The following ITGAM variants were observed in gnomAD, a reference collection of about 807,000 sequenced individuals.
The protein encoded by ITGAM is integrin subunit alpha M, also known as integrin alpha-M.
A neutral mutation model predicts 137.5 loss-of-function variants in ITGAM; 79 were observed. The ratio of observed to expected loss-of-function variants is 0.57; its 90% CI spans 0.48 to 0.69. The LOEUF is 0.69. Ranked by LOEUF, ITGAM falls within the 30% of genes least tolerant of loss-of-function variation. The pLI, the probability that ITGAM is intolerant of heterozygous loss-of-function variation, is 0.00. For synonymous variants in ITGAM, 583 were observed against 592.3 expected, an observed-to-expected ratio of 0.98 and a Z score of 0.23; for missense variants, 1,343 against 1,483.5, an observed-to-expected ratio of 0.91 and a Z score of 1.56.
intron 25 of ITGAM, 24 bp from the exon 26 acceptor site, chr16:31,330,057 T>G: frequency 6.2e-7 from 1 of 1,609,956 alleles, no homozygotes; most frequent in Non-Finnish European, 8.5e-7. Flanking sequence ...TCTCTGCCCC[T>G]TCTCAGTGCG....
rs41520244 is a variant in ITGAM at position 31,330,645 on chromosome 16, G to A, written c.3276+40G>A. On this transcript the variant is annotated intron_variant, in intron 28 of 29. Transcript: ENST00000544665. ...CGCTGAGGAACTATTGGAGGGAGAG[G>A]GGCTGCGCTTGTGGAGATTTCTGGG... 9.1e-3 allele frequency: 13,077 copies of A among 1,436,328 alleles called. 87 individuals carry two copies. The highest frequency in any genetic ancestry group is 0.023 in the Middle Eastern group (125 of 5,528). 89.0% of individuals were successfully genotyped at this position (1,436,328 alleles called of 1,614,324 possible). A position where few individuals can be genotyped will look rare whatever the true frequency, so the allele number is the denominator to read the frequency against.
chr16:31,324,352 G>C lies in ITGAM; in HGVS notation c.2003-47G>C. On this transcript the variant is annotated intron_variant, in intron 16 of 29. Transcript: ENST00000544665. This position sits in a 1 kb window ranked among gnomAD's most constrained non-coding sequence, Gnocchi z 4.5. ...TGGGCCTTGAACTCCCATCTGCCGG[G>C]TTCCGAGGCTCAGGCCCCTCACTGC... 5 of 1,523,686 alleles carry C rather than the reference G, an allele frequency of 3.3e-6. No homozygotes were observed. The highest frequency in any genetic ancestry group is 4.5e-6 in the Non-Finnish European group (5 of 1,122,776). 94.4% of individuals were successfully genotyped at this position (1,523,686 alleles called of 1,614,324 possible). A position where few individuals can be genotyped will look rare whatever the true frequency, so the allele number is the denominator to read the frequency against.
rs1211293259 is a variant in ITGAM, at chr16:31,260,111, G to A, written c.28+19G>A. ...TTAACAGGTGCATGGGGGTGGGGTG[G>A]GGGACTCTGGGTGGGGAGGAGGGTA... On this transcript the variant is annotated intron_variant, in intron 1 of 29. Coordinates refer to ENST00000544665, the MANE Select transcript of ITGAM (RefSeq NM_000632.4). The A allele has an allele frequency of 6.6e-7, 1 of 1,518,618 alleles. No individual in the cohort carries two copies. The highest frequency in any genetic ancestry group is 9.0e-7 in the Non-Finnish European group (1 of 1,112,916). 94.1% of individuals were successfully genotyped at this position (1,518,618 alleles called of 1,614,324 possible).
chr16:31,308,830 C>G (rs2144426188), intron 14 of ITGAM, among the ~76,000 whole-genome samples: 1 of 151,082 alleles, frequency 6.6e-6, no homozygotes, highest in Non-Finnish European at 1.5e-5. Context: ...TGAATGTGTC[C>G]CAGAGATTTT....
At chr16:31,265,660 C>A in intron 3 of ITGAM, 151 bp from the exon 4 acceptor site, 2 of 773,620 alleles carry the variant, frequency 2.6e-6, no homozygotes, top group Non-Finnish European at 4.2e-6. Flanking sequence ...CCCCAGGCAA[C>A]CCCTCTGTGT....
intron 14 of ITGAM, among the ~76,000 whole-genome samples, chr16:31,299,762 CT>C (rs1379253297): frequency 5.5e-5 from 7 of 127,158 alleles, no homozygotes; most frequent in African/African-American, 2.8e-4. Context: ...CCTCCTCCTC[CT>C]CTTCCTCCTC....
chr16:31,276,631 C>G, intron 9 of ITGAM, 40 bp from the exon 10 acceptor site: 1 of 1,482,932 alleles, frequency 6.7e-7, no homozygotes, highest in East Asian at 2.3e-5. Context: ...CATGCCCGGC[C>G]TTCTGCTTTC....
chr16:31,316,067 G>A (rs62051508), intron 14 of ITGAM, among the ~76,000 whole-genome samples: 13,311 of 19,378 alleles, frequency 0.69, 4,758 homozygotes, highest in East Asian at 0.98. Flanking sequence ...GGTGGCGGGC[G>A]CCTGTAGTCC....
chr16:31,284,709 A>G lies in ITGAM; in HGVS notation c.1356+6600A>G, dbSNP rs201482641. Among the ~76,000 whole-genome samples, 19 of 151,862 alleles carry G rather than the reference A, an allele frequency of 1.3e-4. No homozygotes were observed. The East Asian group carries it at 3.3e-3, about 26-fold the overall frequency. Reference sequence around the variant, plus strand: ...GATGACCCACCCTGCTTTGGCTCATACTCTGTGGGCTGCACCCACTCTCCT... The same window carrying G: ...GATGACCCACCCTGCTTTGGCTCATGCTCTGTGGGCTGCACCCACTCTCCT... On this transcript the variant is annotated intron_variant, in intron 12 of 29. Coordinates refer to ENST00000544665, the MANE Select transcript of ITGAM (RefSeq NM_000632.4).
At chr16:31,303,186 C>A (rs1446278109) in intron 14 of ITGAM, among the ~76,000 whole-genome samples, 1 of 151,346 alleles carries the variant, frequency 6.6e-6, no homozygotes, top group East Asian at 2.0e-4. Flanking sequence ...GTGTGCACCC[C>A]CACGCTTGGC....
At chr16:31,323,095 AGATGGAATAG>A (rs2080467242) in intron 16 of ITGAM, among the ~76,000 whole-genome samples, 1 of 152,064 alleles carries the variant, frequency 6.6e-6, no homozygotes, top group African/African-American at 2.4e-5. Flanking sequence ...AGAATAGGAA[AGATGGAATAG>A]GATGGAATAG....
intron 14 of ITGAM, among the ~76,000 whole-genome samples, chr16:31,317,045 G>A (rs1418202420): frequency 1.3e-5 from 2 of 152,038 alleles, no homozygotes; most frequent in Non-Finnish European, 2.9e-5. Flanking sequence ...ATTGCAAACA[G>A]GGACAATTTT....
In ITGAM at chr16:31,330,619, G is replaced by T. The variant is rs2144509972; in HGVS notation, c.3276+14G>T. On this transcript the variant is annotated intron_variant, in intron 28 of 29. Transcript: ENST00000544665. ...GTGAGGTCCCAGGTACCTGTCTTGG[G>T]CGCTGAGGAACTATTGGAGGGAGAG... The T allele has an allele frequency of 6.3e-7, 1 of 1,579,348 alleles. No homozygotes were observed. Among genetic ancestry groups the T allele is most frequent in the South Asian group, 1.2e-5 (1 of 86,552 alleles).
In ITGAM at chr16:31,276,968, G is replaced by A. The variant is rs1443792718; in HGVS notation, c.1132G>A (p.Val378Ile). Residue 378 changes from valine (V) to isoleucine (I), a missense_variant, in exon 11 of 30, where the codon GTC becomes ATC. Val to Ile is a conservative substitution (Grantham distance 29). Coordinates refer to ENST00000544665, the MANE Select transcript of ITGAM (RefSeq NM_000632.4). ...GGGGAGCTATGACTGGGCTGGTGGA[G>A]TCTTTCTATATACATCAAAGGAGAA... ...TVGSYDWAGG[V>I]FLYTSKEKST... 5.0e-6 allele frequency: 8 copies of A among 1,613,346 alleles called. No homozygotes were observed. Among genetic ancestry groups the A allele is most frequent in the Non-Finnish European group, 6.8e-6 (8 of 1,179,662 alleles).
At chr16:31,262,948 T>C (rs1263310001) in intron 2 of ITGAM, among the ~76,000 whole-genome samples, 1 of 152,132 alleles carries the variant, frequency 6.6e-6, no homozygotes, top group Non-Finnish European at 1.5e-5. Flanking sequence ...CTATAATTTA[T>C]TTTATTTTAT....
In ITGAM at chr16:31,329,945, G is replaced by A. The variant is rs1051042464; in HGVS notation, c.2976+40G>A. 17 of 1,538,222 alleles carry A rather than the reference G, an allele frequency of 1.1e-5. No homozygotes were observed. The South Asian group carries it at 1.7e-4, about 15-fold the overall frequency. On this transcript the variant is annotated intron_variant, in intron 25 of 29. Coordinates refer to ENST00000544665, the MANE Select transcript of ITGAM (RefSeq NM_000632.4). ...GCCTGACTCCTGCACGGCCCTGCGCGTTCCTCTCACCTCTGTTAATGCTAT... is the reference window on the plus strand; with the variant it reads ...GCCTGACTCCTGCACGGCCCTGCGCATTCCTCTCACCTCTGTTAATGCTAT...
chr16:31,325,169 T>G lies in ITGAM; in HGVS notation c.2364-94T>G, dbSNP rs1185376629. 7.3e-6 allele frequency: 11 copies of G among 1,510,868 alleles called. No individual in the cohort carries two copies. In the East Asian group the frequency reaches 2.1e-4, roughly 29 times the overall value. The allele number at this position is 1,510,868 out of a possible 1,614,324, so 93.6% of individuals were successfully genotyped here. A position where few individuals can be genotyped will look rare whatever the true frequency, so the allele number is the denominator to read the frequency against. On this transcript the variant is annotated intron_variant, in intron 19 of 29. Transcript: ENST00000544665. ...GTGGCTGCCCCTCCACTGTTGTCTCTTCATCAAGTGTCTGCGTCTCTGTTC... is the reference window on the plus strand; with the variant it reads ...GTGGCTGCCCCTCCACTGTTGTCTCGTCATCAAGTGTCTGCGTCTCTGTTC...
intron 2 of ITGAM, among the ~76,000 whole-genome samples, chr16:31,262,670 G>T (rs1478610054): frequency 3.9e-5 from 6 of 152,094 alleles, no homozygotes; most frequent in African/African-American, 1.2e-4. Context: ...CTCCCAACTT[G>T]CTGGGATGAT....
intron 11 of ITGAM, 82 bp from the exon 12 acceptor site, chr16:31,277,885 A>G: frequency 1.4e-6 from 2 of 1,424,482 alleles, no homozygotes; most frequent in Non-Finnish European, 1.9e-6. Flanking sequence ...GGGCTGCCCC[A>G]GTGCCCCTAC....
Sources: gnomAD v4.1 joint callset for allele counts (sites outside exome capture counted in the v4.1 genomes callset) on GRCh38, gnomAD v4.1.1 for gene constraint, Gnocchi (gnomAD v3.1) non-coding constraint, MANE v1.5 for transcripts, NCBI Gene and HGNC (gene_info 2026-07-23, HGNC 2026-07-21) for gene names.